The following PKHD1 variants were observed in gnomAD, a reference collection of about 807,000 sequenced individuals.
PKHD1 encodes the protein PKHD1 ciliary IPT domain containing fibrocystin/polyductin, also known as fibrocystin.
A neutral mutation model predicts 412.0 loss-of-function variants in PKHD1; 291 were observed. The observed-to-expected ratio is 0.71, with a 90% CI of 0.64 to 0.78. The LOEUF (loss-of-function observed/expected upper bound fraction) is 0.78, where lower values mean the gene tolerates loss of function less well. Among genes scored for constraint, PKHD1 ranks in the 30% least tolerant of loss-of-function variants. PKHD1 has a pLI of 0.00. For synonymous variants in PKHD1, 1,777 were observed against 1,821.5 expected (o/e 0.98, Z 0.62); for missense variants, 4,825 against 4,950.7 (o/e 0.97, Z 0.76).
At position 52,055,851 on chromosome 6, in the gene PKHD1, A is replaced by G. The variant is rs957932586; in HGVS notation, c.1694-122T>C. ...TTAAGAAAACCCCCGTTCTAACCCA[A>G]TTACCCATGCAACCTTGAGTAAGTA... On this transcript the variant is annotated intron_variant, in intron 18 of 66. Transcript: ENST00000371117. 9.3e-6 allele frequency: 9 copies of G among 970,754 alleles called. No homozygotes were observed. The African/African-American group carries it at 1.3e-4, about 14-fold the overall frequency. 60.1% of individuals were successfully genotyped at this position (970,754 alleles called of 1,614,324 possible). A position where few individuals can be genotyped will look rare whatever the true frequency, so the allele number is the denominator to read the frequency against.
chr6:51,957,318 A>T lies in PKHD1; in HGVS notation c.5908+2552T>A, dbSNP rs569980514. 3.4e-4 allele frequency among the ~76,000 whole-genome samples: 51 copies of T among 152,188 alleles called. 1 individual carries two copies. The South Asian group carries it at 0.01, about 30-fold the overall frequency. On this transcript the variant is annotated intron_variant, in intron 36 of 66. Transcript: ENST00000371117. The stretch of plus-strand genomic sequence containing the variant: ...CTACTGGGTCATCTCTACTTTTGGA[A>T]ATTTCTCAGATGTTCTGCAGGGTAC...
chr6:51,963,814 G>A (rs550030977), intron 35 of PKHD1, among the ~76,000 whole-genome samples: 7 of 152,154 alleles, frequency 4.6e-5, no homozygotes, highest in African/African-American at 1.4e-4. Flanking sequence ...TTTGGTGAAG[G>A]CCATGTTCCG....
chr6:51,624,922 A>G (rs960239530), intron 66 of PKHD1, among the ~76,000 whole-genome samples: 7 of 152,196 alleles, frequency 4.6e-5, no homozygotes, highest in African/African-American at 1.2e-4. Context: ...TGATTCTCCA[A>G]CTGACAATGA....
At chr6:51,771,802 A>T (rs73426093) in intron 55 of PKHD1, among the ~76,000 whole-genome samples, 28,005 of 152,056 alleles carry the variant, frequency 0.18, 3,382 homozygotes, top group African/African-American at 0.34. Flanking sequence ...TGAGCGTCTT[A>T]GCAGTGTGTC....
intron 19 of PKHD1, 36 bp downstream of exon 19, chr6:52,055,551 C>T: frequency 1.9e-6 from 3 of 1,611,850 alleles, no homozygotes; most frequent in African/African-American, 2.7e-5. Flanking sequence ...CCAATACCTA[C>T]CCACCTGACC....
intron 43 of PKHD1, among the ~76,000 whole-genome samples, chr6:51,896,648 A>C (rs895668318): frequency 2.6e-5 from 4 of 152,216 alleles, no homozygotes; most frequent in Non-Finnish European, 2.9e-5. Flanking sequence ...CCAGCAACGG[A>C]ACAAAGCTGG....
chr6:51,975,808 G>C (rs1794329075), intron 35 of PKHD1: 1 of 151,594 alleles, frequency 6.6e-6, no homozygotes, highest in Non-Finnish European at 1.5e-5. Flanking sequence ...CTCCAGAGCA[G>C]GAGACCACTC....
chr6:51,979,237 T>C (rs1202570769), intron 35 of PKHD1, among the ~76,000 whole-genome samples: 1 of 152,156 alleles, frequency 6.6e-6, no homozygotes, highest in Admixed American at 6.5e-5. Context: ...TACATCCTCA[T>C]GTAGGCCTTA....
Position 51,748,538 on chromosome 6 carries a change from C to A in PKHD1, c.9078G>T (p.Gly3026=), listed in dbSNP as rs1313663266. The change falls in exon 58 of 67, where the codon GGG becomes GGT. Residue 3026 remains glycine (G), a synonymous_variant. Transcript: ENST00000371117. ...ISSTLHQSCG[G]GIHAAASHGV... ...CATGACTGGCAGCTGCATGAATGCCCCCGCCACAGCTCTGGTGCAGAGTAG... is the reference window on the plus strand; with the variant it reads ...CATGACTGGCAGCTGCATGAATGCCACCGCCACAGCTCTGGTGCAGAGTAG... 6.2e-7 allele frequency: 1 copy of A among 1,613,686 alleles called. No individual in the cohort carries two copies. The highest frequency in any genetic ancestry group is 8.5e-7 in the Non-Finnish European group (1 of 1,179,782).
chr6:51,667,702 C>T (rs1774075898), intron 60 of PKHD1, among the ~76,000 whole-genome samples: 1 of 149,574 alleles, frequency 6.7e-6, no homozygotes, highest in Admixed American at 6.7e-5. Flanking sequence ...GTCTTTAATC[C>T]ATCTTGAATT....
chr6:51,722,025 A>G, intron 60 of PKHD1: 1 of 1,613,594 alleles, frequency 6.2e-7, no homozygotes, highest in Non-Finnish European at 8.5e-7. Flanking sequence ...TGGTTACTGA[A>G]GTAAACAGAA....
chr6:51,828,521 A>AT (rs1163282214), intron 52 of PKHD1, among the ~76,000 whole-genome samples: 1 of 152,088 alleles, frequency 6.6e-6, no homozygotes, highest in Non-Finnish European at 1.5e-5. Context: ...AGGAGAAGAC[A>AT]TTTTTTTCCA....
chr6:51,799,321 CTTCTTTCT>C (rs56845998), intron 52 of PKHD1, among the ~76,000 whole-genome samples: 1 of 151,312 alleles, frequency 6.6e-6, no homozygotes, highest in South Asian at 2.1e-4. Context: ...TCCATTTTTT[CTTCTTTCT>C]TTCTTTCTTT....
At chr6:51,807,487 G>A (rs35457888) in intron 52 of PKHD1, among the ~76,000 whole-genome samples, 43,356 of 105,446 alleles carry the variant, frequency 0.41, 10,021 homozygotes, top group East Asian at 0.74. Context: ...ATATGTATAT[G>A]TGTGTGTGTG....
intron 54 of PKHD1, among the ~76,000 whole-genome samples, chr6:51,774,490 T>C (rs1008609659): frequency 4.6e-5 from 7 of 151,978 alleles, no homozygotes; most frequent in African/African-American, 1.2e-4. Flanking sequence ...CAAATATTCT[T>C]ATAATAATCC....
At position 52,079,982 on chromosome 6, in the gene PKHD1, C is replaced by T. The variant is rs1283713147; in HGVS notation, c.308G>A (p.Gly103Asp). Residue 103 changes from glycine to aspartate, a missense_variant, in exon 5 of 67, where the codon GGT (glycine) becomes GAT (aspartate). Transcript: ENST00000371117. ...GAAGTATGCTTCCAGGAAGTACAGA[C>T]CCTCATGTGCTTCAGACAGCACAGA... ...TRSVLSEAHE[G>D]LYFLEAYFGG... 1.9e-6 allele frequency: 3 copies of T among 1,607,436 alleles called. No homozygotes were observed. In the Admixed American group the frequency reaches 5.0e-5, roughly 27 times the overall value.
At chr6:51,856,656 T>C (rs1166513979) in intron 48 of PKHD1, among the ~76,000 whole-genome samples, 1 of 152,032 alleles carries the variant, frequency 6.6e-6, no homozygotes, top group Non-Finnish European at 1.5e-5. Context: ...CCAGCAGGAG[T>C]GGCTTCAGCA....
chr6:51,927,169 C>G (rs1353818461), intron 37 of PKHD1, among the ~76,000 whole-genome samples: 2 of 152,130 alleles, frequency 1.3e-5, no homozygotes, highest in Admixed American at 6.6e-5. Context: ...TAAATAAAAA[C>G]CAACAAAACA....
chr6:51,798,224 C>T (rs1445837832), intron 52 of PKHD1, among the ~76,000 whole-genome samples: 3 of 151,892 alleles, frequency 2.0e-5, no homozygotes, highest in Non-Finnish European at 4.4e-5. Flanking sequence ...ACTAAAAATA[C>T]AAAAATTAGC....
Sources: allele counts gnomAD v4.1 joint callset (sites outside exome capture counted in the v4.1 genomes callset), GRCh38; gene constraint gnomAD v4.1.1; transcripts MANE v1.5; gene names NCBI Gene and HGNC (gene_info 2026-07-23, HGNC 2026-07-21).